Variants in MACROD1 observed in about 807,000 individuals in gnomAD.
MACROD1 encodes mono-ADP ribosylhydrolase 1, also known as ADP-ribose glycohydrolase MACROD1.
In MACROD1, 31 loss-of-function variants were observed where a neutral mutation model predicts 41.4. The observed-to-expected ratio is 0.75, with a 90% CI of 0.56 to 1.01. MACROD1 has a LOEUF of 1.01. MACROD1 is among the 50% of genes least tolerant of loss of function. The pLI, the probability that MACROD1 is intolerant of heterozygous loss-of-function variation, is 0.00. For synonymous variants in MACROD1, 252 were observed against 203.4 expected, an observed-to-expected ratio of 1.24 and a Z score of -2.03; for missense variants, 473 against 460.0, an observed-to-expected ratio of 1.03 and a Z score of -0.26.
chr11:64,045,567 G>A (rs1465897359), intron 3 of MACROD1, among the ~76,000 whole-genome samples: 1 of 152,166 alleles, frequency 6.6e-6, no homozygotes, highest in Non-Finnish European at 1.5e-5. Context: ...TGGTAGGTAG[G>A]GGGTGAGGGT....
At chr11:64,102,610 T>C (rs77558699) in intron 3 of MACROD1, among the ~76,000 whole-genome samples, 1,651 of 152,280 alleles carry the variant, frequency 0.011, 33 homozygotes, top group African/African-American at 0.038. Flanking sequence ...CTCGAAAAAC[T>C]TCATTTTTCT....
intron 3 of MACROD1, among the ~76,000 whole-genome samples, chr11:64,058,729 C>T (rs1280747919): frequency 6.6e-6 from 1 of 152,256 alleles, no homozygotes; most frequent in East Asian, 1.9e-4. Flanking sequence ...CCAATTACCT[C>T]GCCTCCTGCT....
intron 3 of MACROD1, among the ~76,000 whole-genome samples, chr11:64,044,832 T>C (rs891426157): frequency 3.3e-5 from 5 of 152,136 alleles, no homozygotes; most frequent in Non-Finnish European, 7.4e-5. Context: ...TCTCCTGTGG[T>C]CTAAGAGCCT....
At chr11:64,070,954 G>A (rs901318885) in intron 3 of MACROD1, among the ~76,000 whole-genome samples, 8 of 152,116 alleles carry the variant, frequency 5.3e-5, no homozygotes, top group African/African-American at 1.9e-4. Context: ...CCAAGGAGGG[G>A]CTGTCTTTAT....
At chr11:64,118,618 T>A (rs1945041645) in intron 3 of MACROD1, 2 of 263,318 alleles carry the variant, frequency 7.6e-6, no homozygotes, top group East Asian at 1.6e-4. Flanking sequence ...CCCCCTGAAC[T>A]GGAAGGATAC....
intron 3 of MACROD1, among the ~76,000 whole-genome samples, chr11:64,033,569 G>C (rs1194221764): frequency 6.6e-6 from 1 of 151,840 alleles, no homozygotes; most frequent in Non-Finnish European, 1.5e-5. Context: ...TGCCGGGTGT[G>C]GTGGCTCACG....
In MACROD1 at chr11:64,061,787, C is replaced by T. The variant is rs530280209; in HGVS notation, c.518-46506G>A. Among the ~76,000 whole-genome samples, 6 of 150,978 alleles carry T rather than the reference C, an allele frequency of 4.0e-5. No individual in the cohort carries two copies. In the South Asian group the frequency reaches 1.3e-3, roughly 32 times the overall value. ...CGATCACAGCTCACTGCAGCCTCAA[C>T]TTCCTGGGCTCAAGCCATCCTTCAA... is the stretch of plus-strand genomic sequence containing the variant. On this transcript the variant is annotated intron_variant, in intron 3 of 10. Transcript: ENST00000255681.
At chr11:64,002,888 C>T (rs1942849813) in intron 4 of MACROD1, among the ~76,000 whole-genome samples, 1 of 152,182 alleles carries the variant, frequency 6.6e-6, no homozygotes, top group South Asian at 2.1e-4. Context: ...AGACCAGCAG[C>T]CCTGATCCCT....
chr11:64,130,453 G>A (rs1213412226), intron 3 of MACROD1, among the ~76,000 whole-genome samples: 1 of 152,170 alleles, frequency 6.6e-6, no homozygotes, highest in Non-Finnish European at 1.5e-5. Context: ...TTCCCAGGAG[G>A]GGTCTCTGGC....
At chr11:64,053,122 G>A (rs527633030) in intron 3 of MACROD1, among the ~76,000 whole-genome samples, 2 of 152,304 alleles carry the variant, frequency 1.3e-5, no homozygotes, top group East Asian at 3.9e-4. Context: ...CAGGGACCAA[G>A]AAGGTGCAGT....
chr11:64,045,345 A>C (rs1181183869), intron 3 of MACROD1, among the ~76,000 whole-genome samples: 2 of 151,976 alleles, frequency 1.3e-5, no homozygotes, highest in African/African-American at 4.8e-5. Context: ...AAGCTTTTTC[A>C]TTGTTCCCCG....
rs1329565176 is a variant in MACROD1 at position 64,165,677 on chromosome 11, C to T, written c.298+20G>A. On this transcript the variant is annotated intron_variant, in intron 1 of 10. Transcript: ENST00000255681. ...CGTGAGGCCGCCCTCTCCCTCGCGC[C>T]CCCTCGTGCTTACACTTACATTTCG... 6 of 1,394,130 alleles carry T rather than the reference C, an allele frequency of 4.3e-6. No homozygotes were observed. Among genetic ancestry groups the T allele is most frequent in the Non-Finnish European group, 4.7e-6 (5 of 1,067,636 alleles). The allele number at this position is 1,394,130 out of a possible 1,614,324, so 86.4% of individuals were successfully genotyped here.
chr11:64,007,862 G>T (rs191548408), intron 4 of MACROD1, among the ~76,000 whole-genome samples: 1 of 152,332 alleles, frequency 6.6e-6, no homozygotes, highest in East Asian at 1.9e-4. Context: ...AGCCCTGCTG[G>T]GGAGGGGAGG....
In MACROD1 at chr11:64,096,657, TCCG is replaced by T. The variant is rs1201722759; in HGVS notation, c.517+54579_517+54581del. 1.3e-5 allele frequency among the ~76,000 whole-genome samples: 2 copies of T among 152,158 alleles called. No homozygotes were observed. The highest frequency in any genetic ancestry group is 3.9e-4 in the East Asian group (2 of 5,190). On this transcript the variant is annotated intron_variant, in intron 3 of 10. Coordinates refer to ENST00000255681, the MANE Select transcript of MACROD1 (RefSeq NM_014067.4). The surrounding 1 kb of genome is among the most constrained non-coding windows in gnomAD (Gnocchi z 4.6). The stretch of plus-strand genomic sequence containing the variant: ...GTCTCGAACTCCTGACCTCAAGTTA[TCCG>T]CCTGCCTCAGCCTCCCAAAGTGCTG...
At chr11:64,060,095 AT>A (rs929836160) in intron 3 of MACROD1, among the ~76,000 whole-genome samples, 17 of 152,270 alleles carry the variant, frequency 1.1e-4, no homozygotes, top group Admixed American at 7.8e-4. Context: ...CCAATAAAAA[AT>A]TTAATCAAGT....
At chr11:64,106,705 G>T (rs1044018436) in intron 3 of MACROD1, among the ~76,000 whole-genome samples, 1 of 152,120 alleles carries the variant, frequency 6.6e-6, no homozygotes, top group Non-Finnish European at 1.5e-5. Context: ...TGTGGCCCAG[G>T]ATCCTAAAGG....
intron 3 of MACROD1, among the ~76,000 whole-genome samples, chr11:64,077,808 T>C (rs1944231007): frequency 6.6e-6 from 1 of 152,186 alleles, no homozygotes; most frequent in Admixed American, 6.5e-5. Flanking sequence ...CGGCCGCCGC[T>C]CGGACATTTG....
At chr11:64,053,609 TGGG>T (rs1262028188) in intron 3 of MACROD1, among the ~76,000 whole-genome samples, 2 of 151,994 alleles carry the variant, frequency 1.3e-5, no homozygotes, top group East Asian at 3.9e-4. Context: ...GGGAGGGATG[TGGG>T]GCCCCTACCC....
chr11:64,074,456 G>A (rs1431580294), intron 3 of MACROD1, among the ~76,000 whole-genome samples: 4 of 152,328 alleles, frequency 2.6e-5, no homozygotes, highest in Non-Finnish European at 4.4e-5. Context: ...AGGAACAGCC[G>A]TGGGAGGGAG....
Sources: gnomAD v4.1 joint callset for allele counts (sites outside exome capture counted in the v4.1 genomes callset) on GRCh38, gnomAD v4.1.1 for gene constraint, Gnocchi (gnomAD v3.1) non-coding constraint, MANE v1.5 for transcripts, NCBI Gene and HGNC (gene_info 2026-07-23, HGNC 2026-07-21) for gene names.